SVEP1: variants seen among roughly 807,000 people sequenced by gnomAD.
SVEP1 encodes the protein sushi, von Willebrand factor type A, EGF and pentraxin domain containing 1, also known as sushi, von Willebrand factor type A, EGF and pentraxin domain-containing protein 1.
Under a neutral mutation model 367.3 loss-of-function variants are expected in SVEP1, and 164 were observed. The ratio of observed to expected loss-of-function variants is 0.45; its 90% CI spans 0.39 to 0.51. The LOEUF is 0.51. Ranked by LOEUF, SVEP1 falls within the 20% of genes least tolerant of loss-of-function variation. SVEP1 has a pLI of 0.00. For missense variants in SVEP1, 4,117 were observed against 4,425.3 expected (o/e 0.93, Z 1.98); for synonymous variants, 1,666 against 1,611.6 (o/e 1.03, Z -0.81).
rs951947990 is a variant in SVEP1 at position 110,414,495 on chromosome 9, T to C, written c.5976-2760A>G. Among the ~76,000 whole-genome samples the C allele has an allele frequency of 4.6e-5, 7 of 152,010 alleles. No homozygotes were observed. In the South Asian group the frequency reaches 1.4e-3, roughly 31 times the overall value. ...CTTTAGATAGGCTCAGTTCTTTGTA[T>C]GAAGATCTGAACTTAGCTTGGAATA... is the stretch of plus-strand genomic sequence containing the variant. On this transcript the variant is annotated intron_variant, in intron 36 of 47. Coordinates refer to ENST00000374469, the MANE Select transcript of SVEP1 (RefSeq NM_153366.4).
chr9:110,494,912 C>T (rs191201720), intron 8 of SVEP1, among the ~76,000 whole-genome samples: 1 of 152,190 alleles, frequency 6.6e-6, no homozygotes, highest in East Asian at 1.9e-4. Flanking sequence ...AGATTAATCT[C>T]TCTATAAGTT....
chr9:110,465,863 ACCT>A lies in SVEP1; in HGVS notation c.3321_3322+1del. 6.2e-7 allele frequency: 1 copy of A among 1,612,056 alleles called. No individual in the cohort carries two copies. The highest frequency in any genetic ancestry group is 8.5e-7 in the Non-Finnish European group (1 of 1,178,958). On this transcript the variant is annotated splice_donor_variant and coding_sequence_variant, in exon 18 of 48. Transcript: ENST00000374469. LOFTEE classifies it high-confidence loss of function. ...AATATCAATGTCTAAGGCTTTGATA[ACCT>A]CCACATGCAGAAATGTTCACGGCTC...
intron 7 of SVEP1, among the ~76,000 whole-genome samples, chr9:110,497,219 C>A (rs1043764264): frequency 6.6e-6 from 1 of 152,198 alleles, no homozygotes; most frequent in Non-Finnish European, 1.5e-5. Flanking sequence ...CATTGCCTTT[C>A]TTTTACCTGG....
intron 43 of SVEP1, among the ~76,000 whole-genome samples, chr9:110,381,641 G>A (rs1827438660): frequency 6.6e-6 from 1 of 152,168 alleles, no homozygotes; most frequent in Admixed American, 6.5e-5. Context: ...TAAGTACTGT[G>A]TAGCAATGAG....
At chr9:110,519,061 T>G (rs1829843472) in intron 3 of SVEP1, among the ~76,000 whole-genome samples, 1 of 152,220 alleles carries the variant, frequency 6.6e-6, no homozygotes, top group South Asian at 2.1e-4. Context: ...AGTTTTGTAC[T>G]GTCCCCTTCC....
At chr9:110,538,706 T>C (rs532254980) in intron 3 of SVEP1, among the ~76,000 whole-genome samples, 1 of 152,220 alleles carries the variant, frequency 6.6e-6, no homozygotes, top group Admixed American at 6.5e-5. Context: ...AATCTGCTAA[T>C]CATGCCTAAC....
At chr9:110,427,043 T>A (rs577476171) in intron 36 of SVEP1, among the ~76,000 whole-genome samples, 1 of 152,180 alleles carries the variant, frequency 6.6e-6, no homozygotes, top group Non-Finnish European at 1.5e-5. Context: ...GTGCAGTGGC[T>A]CATGTCTGTA....
Position 110,366,539 on chromosome 9 carries a change from T to C in SVEP1, c.10716A>G (p.Ter3572=). The C allele has an allele frequency of 1.9e-6, 3 of 1,555,264 alleles. No homozygotes were observed. The highest frequency in any genetic ancestry group is 2.6e-6 in the Non-Finnish European group (3 of 1,153,446). ...GGAGAGCCAGATGGTCGTGCAGTGG[T>C]TAAAACCCAGTCCTCCTTTTCCTGG... is the stretch of plus-strand genomic sequence containing the variant. ...NCSRKRRTGF[*] is the part of the protein sequence containing the mutation. The change falls in exon 48 of 48, where the codon TAA becomes TAG. Residue 3572 remains the stop codon, a stop_retained_variant. Coordinates refer to ENST00000374469, the MANE Select transcript of SVEP1 (RefSeq NM_153366.4).
At chr9:110,424,966 G>A (rs192834967) in intron 36 of SVEP1, among the ~76,000 whole-genome samples, 85 of 152,222 alleles carry the variant, frequency 5.6e-4, no homozygotes, top group African/African-American at 2.0e-3. Flanking sequence ...GAGCCACCAC[G>A]TCCAGCCTAA....
chr9:110,412,239 T>C (rs1453040932), intron 36 of SVEP1, among the ~76,000 whole-genome samples: 2 of 152,346 alleles, frequency 1.3e-5, no homozygotes, highest in East Asian at 3.9e-4. Flanking sequence ...TTATTGTTTG[T>C]TCTTAAGCTA....
chr9:110,469,129 G>C, intron 16 of SVEP1, 28 bp from the exon 17 acceptor site: 1 of 1,596,486 alleles, frequency 6.3e-7, no homozygotes, highest in Non-Finnish European at 8.5e-7. Flanking sequence ...AGGAAACACT[G>C]AATAAACTAC....
At chr9:110,434,779 C>T (rs1025400091) in intron 29 of SVEP1, among the ~76,000 whole-genome samples, 1 of 147,742 alleles carries the variant, frequency 6.8e-6, no homozygotes, top group African/African-American at 2.5e-5. Flanking sequence ...AATTCTAGGA[C>T]AGTCTAAGAA....
At chr9:110,485,436 T>C (rs909788984) in intron 9 of SVEP1, among the ~76,000 whole-genome samples, 6 of 151,594 alleles carry the variant, frequency 4.0e-5, no homozygotes, top group African/African-American at 1.2e-4. Flanking sequence ...CTTTCAGGGG[T>C]TGGGGGAGAA....
In SVEP1 at chr9:110,574,308, C is replaced by T. The variant is rs538551882; in HGVS notation, c.531+4705G>A. 6.6e-5 allele frequency among the ~76,000 whole-genome samples: 10 copies of T among 152,330 alleles called. No homozygotes were observed. In the South Asian group the frequency reaches 2.1e-3, roughly 32 times the overall value. On this transcript the variant is annotated intron_variant, in intron 1 of 47. Coordinates refer to ENST00000374469, the MANE Select transcript of SVEP1 (RefSeq NM_153366.4). ...GTCTGTGAACAGTTGTGTGAGCATT[C>T]AGTTTCAAACAGAAAAGGTTTGAAA...
At chr9:110,511,454 G>T (rs1829709724) in intron 5 of SVEP1, among the ~76,000 whole-genome samples, 2 of 104,312 alleles carry the variant, frequency 1.9e-5, no homozygotes, top group African/African-American at 3.6e-5. Context: ...TTATTAATTT[G>T]ACTTCTAACT....
rs771944087 is a variant in SVEP1 at position 110,366,676 on chromosome 9, T to G, written c.10695-116A>C. 212 of 991,980 alleles carry G rather than the reference T, an allele frequency of 2.1e-4. 1 individual carries two copies. Among genetic ancestry groups the G allele is most frequent in the Non-Finnish European group, 2.8e-4 (197 of 700,258 alleles). 61.4% of individuals were successfully genotyped at this position (991,980 alleles called of 1,614,324 possible). A position where few individuals can be genotyped will look rare whatever the true frequency, so the allele number is the denominator to read the frequency against. Reference sequence around the variant, plus strand: ...ATTGAAAGTCCCAGATACCTGGGCATTATCTGTGATGTTTATACGGATGGG... The same window carrying G: ...ATTGAAAGTCCCAGATACCTGGGCAGTATCTGTGATGTTTATACGGATGGG... On this transcript the variant is annotated intron_variant, in intron 47 of 47. Coordinates refer to ENST00000374469, the MANE Select transcript of SVEP1 (RefSeq NM_153366.4).
intron 19 of SVEP1, 57 bp from the exon 20 acceptor site, chr9:110,458,619 TA>T: frequency 6.8e-7 from 1 of 1,460,042 alleles, no homozygotes; most frequent in Non-Finnish European, 9.4e-7. Flanking sequence ...AAGTGGACTA[TA>T]TCTAACACTA....
At chr9:110,537,317 G>A (rs1830091168) in intron 3 of SVEP1, among the ~76,000 whole-genome samples, 1 of 151,854 alleles carries the variant, frequency 6.6e-6, no homozygotes, top group South Asian at 2.1e-4. Flanking sequence ...AAAATCCATG[G>A]ATACATGAAC....
intron 27 of SVEP1, 74 bp downstream of exon 27, chr9:110,443,471 G>A (rs1419430058): frequency 1.6e-6 from 2 of 1,245,234 alleles, no homozygotes; most frequent in East Asian, 3.0e-5. Flanking sequence ...AACAATGCTA[G>A]CAAACCTGAT....
Sources: allele counts gnomAD v4.1 joint callset (sites outside exome capture counted in the v4.1 genomes callset), GRCh38; gene constraint gnomAD v4.1.1; transcripts MANE v1.5; gene names NCBI Gene and HGNC (gene_info 2026-07-23, HGNC 2026-07-21).